Variants in ST14 observed in about 807,000 individuals in gnomAD.
ST14 encodes ST14 transmembrane serine protease matriptase.
ST14 carries 40 observed loss-of-function variants against 96.5 expected under a neutral mutation model. That is an observed-to-expected ratio of 0.41 (90% CI 0.32 to 0.54). The LOEUF is 0.54. ST14 is among the 20% of genes least tolerant of loss of function. The pLI is 0.17. For synonymous variants in ST14, 506 were observed against 492.1 expected, an observed-to-expected ratio of 1.03 and a Z score of -0.37; for missense variants, 1,066 against 1,188.9, an observed-to-expected ratio of 0.90 and a Z score of 1.52.
At chr11:130,190,757 C>A in intron 7 of ST14, 63 bp downstream of exon 7, 2 of 1,498,118 alleles carry the variant, frequency 1.3e-6, no homozygotes, top group Non-Finnish European at 8.9e-7. Context: ...AGGGGGCCAG[C>A]TTCTTCAACG....
intron 16 of ST14, among the ~76,000 whole-genome samples, chr11:130,202,510 C>T (rs1257129762): frequency 2.0e-5 from 3 of 152,182 alleles, no homozygotes; most frequent in African/African-American, 7.2e-5. Context: ...GTTGGGAACA[C>T]TCAACATGGG....
At chr11:130,174,917 C>T (rs1027985052) in intron 1 of ST14, among the ~76,000 whole-genome samples, 1 of 152,310 alleles carries the variant, frequency 6.6e-6, no homozygotes, top group South Asian at 2.1e-4. Flanking sequence ...GCCCTTTTTC[C>T]TATCCCCTTT....
rs1179484778 is a variant in ST14 at position 130,188,744 on chromosome 11, C to T, written c.369+87C>T. The T allele has an allele frequency of 2.7e-5, 44 of 1,610,502 alleles. No homozygotes were observed. Among genetic ancestry groups the T allele is most frequent in the Non-Finnish European group, 3.1e-5 (36 of 1,177,678 alleles). On this transcript the variant is annotated intron_variant, in intron 3 of 18. Transcript: ENST00000278742. The surrounding 1 kb of genome is among the most constrained non-coding windows in gnomAD (Gnocchi z 5.4). ...AGGAGGGACATGCCTCGCCTGTGCT[C>T]CCAGGGCCCTGGGATGGGGGTGATC...
rs1004558753 is a variant in ST14 at position 130,210,269 on chromosome 11, G to C, written c.*446G>C. 3 of 172,362 alleles carry C rather than the reference G, an allele frequency of 1.7e-5. No individual in the cohort carries two copies. The highest frequency in any genetic ancestry group is 7.1e-5 in the African/African-American group (3 of 42,004). The allele number at this position is 172,362 out of a possible 1,614,324, so 10.7% of individuals were successfully genotyped here. ...CAGGCTCGGAGGACCCTGGAAAACA[G>C]ACGGGTCTGAGACTGAAATTGTTTT... On this transcript the variant is annotated 3_prime_UTR_variant, in exon 19 of 19. Transcript: ENST00000278742.
chr11:130,164,701 G>A lies in ST14; in HGVS notation c.81+4641G>A, dbSNP rs577169780. Among the ~76,000 whole-genome samples the A allele has an allele frequency of 2.0e-5, 3 of 148,942 alleles. No homozygotes were observed. In the East Asian group the frequency reaches 5.9e-4, roughly 29 times the overall value. ...CCAAAAGTGCTGGGACTACAAGTGTGAGCCCCCACACCCAGCCTTATTATT... is the reference window on the plus strand; with the variant it reads ...CCAAAAGTGCTGGGACTACAAGTGTAAGCCCCCACACCCAGCCTTATTATT... On this transcript the variant is annotated intron_variant, in intron 1 of 18. Transcript: ENST00000278742.
At chr11:130,194,009 G>T (rs536473298) in intron 7 of ST14, 140 bp from the exon 8 acceptor site, 12 of 1,047,892 alleles carry the variant, frequency 1.1e-5, no homozygotes, top group Non-Finnish European at 1.6e-5. Context: ...AGGTCTTTTT[G>T]ACTCCATTCT....
At chr11:130,161,507 T>C (rs1032133967) in intron 1 of ST14, among the ~76,000 whole-genome samples, 1 of 152,200 alleles carries the variant, frequency 6.6e-6, no homozygotes, top group Non-Finnish European at 1.5e-5. Flanking sequence ...AGGGTCTTCC[T>C]GGTCGTGTGG....
chr11:130,182,938 C>T (rs1379748418), intron 1 of ST14, among the ~76,000 whole-genome samples: 1 of 151,422 alleles, frequency 6.6e-6, no homozygotes, highest in East Asian at 1.9e-4. Context: ...GCATGAGCCA[C>T]CGCGCCCAGC....
intron 8 of ST14, 46 bp from the exon 9 acceptor site, chr11:130,194,594 C>G (rs375233215): frequency 3.1e-6 from 5 of 1,597,190 alleles, no homozygotes; most frequent in Admixed American, 1.7e-5. Context: ...CCTGCTCGGC[C>G]GGGCAGGTTC....
At chr11:130,198,234 T>C (rs1953388543) in intron 12 of ST14, 74 bp from the exon 13 acceptor site, 1 of 1,411,050 alleles carries the variant, frequency 7.1e-7, no homozygotes, top group East Asian at 2.3e-5. Flanking sequence ...CAGGTAGCTC[T>C]GATCGCCTGG....
intron 1 of ST14, among the ~76,000 whole-genome samples, chr11:130,160,875 C>A (rs992036911): frequency 1.3e-5 from 2 of 152,190 alleles, no homozygotes; most frequent in African/African-American, 4.8e-5. Flanking sequence ...CTGTCCAAGG[C>A]AGACCCCCAG....
intron 7 of ST14, among the ~76,000 whole-genome samples, chr11:130,191,689 CAAAAAA>C (rs4054265): frequency 7.3e-5 from 8 of 109,038 alleles, no homozygotes; most frequent in Non-Finnish European, 5.5e-5. Flanking sequence ...GACTCTGTCT[CAAAAAA>C]AAAAAAAAAA....
At chr11:130,190,030 C>T in intron 5 of ST14, 83 bp from the exon 6 acceptor site, 33 of 1,611,028 alleles carry the variant, frequency 2.0e-5, no homozygotes, top group Non-Finnish European at 2.6e-5. Context: ...GCTGGCCGGG[C>T]ACCTCCCTTT....
chr11:130,166,759 G>T (rs1448385062), intron 1 of ST14, among the ~76,000 whole-genome samples: 2 of 152,218 alleles, frequency 1.3e-5, no homozygotes, highest in African/African-American at 4.8e-5. Context: ...TTGACAGTGA[G>T]CCCAGGAGAG....
At chr11:130,201,872 C>T (rs1953432384) in intron 16 of ST14, among the ~76,000 whole-genome samples, 1 of 152,252 alleles carries the variant, frequency 6.6e-6, no homozygotes, top group Non-Finnish European at 1.5e-5. Flanking sequence ...GCCACCATGC[C>T]TGGCCCAACC....
chr11:130,196,401 G>A lies in ST14; in HGVS notation c.1176G>A (p.Val392=). 6.2e-7 allele frequency: 1 copy of A among 1,610,360 alleles called. No homozygotes were observed. Among genetic ancestry groups the A allele is most frequent in the Non-Finnish European group, 8.5e-7 (1 of 1,178,654 alleles). ...TCTTCTACCTGCTGGAGCCCGGCGT[G>A]CCTGCGGGCACCTGCCCCAAGGACT... The part of the protein sequence containing the change: ...FKFFYLLEPG[V]PAGTCPKDYV... The change falls in exon 10 of 19, where the codon GTG becomes GTA. Residue 392 remains valine, a synonymous_variant. Coordinates refer to ENST00000278742, the MANE Select transcript of ST14 (RefSeq NM_021978.4).
At chr11:130,167,114 GA>G (rs1421111228) in intron 1 of ST14, among the ~76,000 whole-genome samples, 1 of 152,216 alleles carries the variant, frequency 6.6e-6, no homozygotes, top group Non-Finnish European at 1.5e-5. Context: ...AGGAGACTGA[GA>G]GAGGAGAATC....
rs201796684 is a variant in ST14, at chr11:130,209,476, C to A, written c.2304C>A (p.Ile768=). ...CGCTGATCCTGCAAAAGGGTGAGATCCGCGTCATCAACCAGACCACCTGCG... is the reference window on the plus strand; with the variant it reads ...CGCTGATCCTGCAAAAGGGTGAGATACGCGTCATCAACCAGACCACCTGCG... ...TGALILQKGE[I]RVINQTTCEN... Residue 768 remains isoleucine (I), a synonymous_variant, in exon 18 of 19, where the codon ATC becomes ATA. Transcript: ENST00000278742. 1 of 1,586,352 alleles carries A rather than the reference C, an allele frequency of 6.3e-7. No individual in the cohort carries two copies. Among genetic ancestry groups the A allele is most frequent in the Non-Finnish European group, 8.6e-7 (1 of 1,166,522 alleles).
Position 130,198,696 on chromosome 11 carries a change from C to T in ST14, c.1684+75C>T, listed in dbSNP as rs1007667452. On this transcript the variant is annotated intron_variant, in intron 14 of 18. Coordinates refer to ENST00000278742, the MANE Select transcript of ST14 (RefSeq NM_021978.4). ...AGGCTGCCCTGAGCACACGCACATG[C>T]AGGACGCCCCGAGTTTAATGAACAC... is the stretch of plus-strand genomic sequence containing the variant. The T allele has an allele frequency of 4.3e-6, 6 of 1,411,298 alleles. No homozygotes were observed. The South Asian group carries it at 5.9e-5, about 14-fold the overall frequency. 87.4% of individuals were successfully genotyped at this position (1,411,298 alleles called of 1,614,324 possible). A position where few individuals can be genotyped will look rare whatever the true frequency, so the allele number is the denominator to read the frequency against.
Sources: gnomAD v4.1 joint callset for allele counts (sites outside exome capture counted in the v4.1 genomes callset) on GRCh38, gnomAD v4.1.1 for gene constraint, Gnocchi (gnomAD v3.1) non-coding constraint, MANE v1.5 for transcripts, NCBI Gene and HGNC (gene_info 2026-07-23, HGNC 2026-07-21) for gene names.